OLR1: variants seen among roughly 807,000 people sequenced by gnomAD.
OLR1 encodes oxidized low density lipoprotein receptor 1.
A neutral mutation model predicts 31.7 loss-of-function variants in OLR1; 23 were observed. The ratio of observed to expected loss-of-function variants is 0.72; its 90% CI spans 0.52 to 1.03. The LOEUF (loss-of-function observed/expected upper bound fraction) is 1.03, where lower values mean the gene tolerates loss of function less well. OLR1 is among the 50% of genes least tolerant of loss of function. The pLI, the probability that OLR1 is intolerant of heterozygous loss-of-function variation, is 0.00. For synonymous variants in OLR1, 117 were observed against 115.8 expected, an observed-to-expected ratio of 1.01 and a Z score of -0.07; for missense variants, 286 against 315.7, an observed-to-expected ratio of 0.91 and a Z score of 0.71.
chr12:10,171,650 C>T (rs532683335), intron 1 of OLR1, among the ~76,000 whole-genome samples: 7 of 152,174 alleles, frequency 4.6e-5, no homozygotes, highest in Admixed American at 2.0e-4. Context: ...TTATTAGCTC[C>T]GTGAAACTGG....
intron 3 of OLR1, 87 bp from the exon 4 acceptor site, chr12:10,161,012 C>G: frequency 7.7e-7 from 1 of 1,296,052 alleles, no homozygotes; most frequent in Non-Finnish European, 1.1e-6. Context: ...CCTTAGTTCT[C>G]TCACGTGCAT....
intron 3 of OLR1, among the ~76,000 whole-genome samples, chr12:10,162,369 G>GA (rs942588869): frequency 1.3e-5 from 2 of 152,082 alleles, no homozygotes; most frequent in African/African-American, 4.8e-5. Context: ...AGGAGGGACT[G>GA]AAAAACAGAA....
upstream of OLR1, chr12:10,172,235 T>G (rs1471127360): frequency 3.4e-6 from 2 of 583,572 alleles, no homozygotes; most frequent in Non-Finnish European, 6.0e-6. Context: ...TGCTTCATAT[T>G]GGGAAGTTCG....
intron 2 of OLR1, among the ~76,000 whole-genome samples, chr12:10,168,509 T>C (rs1395440167): frequency 2.0e-5 from 3 of 152,212 alleles, no homozygotes; most frequent in African/African-American, 7.2e-5. Flanking sequence ...GTTTGTTTTG[T>C]TTGAAATGGA....
At chr12:10,169,822 G>A (rs560800262) in intron 1 of OLR1, among the ~76,000 whole-genome samples, 5 of 151,640 alleles carry the variant, frequency 3.3e-5, no homozygotes, top group African/African-American at 1.2e-4. Flanking sequence ...CTACACTCAC[G>A]CCAAGTGTAG....
At position 10,166,865 on chromosome 12, in the gene OLR1, C is replaced by T; in HGVS notation, c.271G>A (p.Ala91Thr). The part of the protein sequence containing the change: ...LEGQISARQQ[A>T]EEASQESENE... ...TCTGACTCCTGTGAAGCTTCTTCTG[C>T]TTGTTGCCGGGCTGAGATCTGTCCC... Residue 91 changes from alanine (A) to threonine (T), a missense_variant, in exon 3 of 6, where the codon GCA (alanine) becomes ACA (threonine). Transcript: ENST00000309539. 2.5e-6 allele frequency: 4 copies of T among 1,613,554 alleles called. 1 individual carries two copies. In the South Asian group the frequency reaches 4.4e-5, roughly 18 times the overall value.
At chr12:10,175,883 G>T (rs915923718), upstream of OLR1, among the ~76,000 whole-genome samples, 1 of 152,208 alleles carries the variant, frequency 6.6e-6, no homozygotes, top group Non-Finnish European at 1.5e-5. Context: ...CTTAGGCAAG[G>T]TCAAAAGGAG....
At chr12:10,163,225 C>G (rs1367182832) in intron 3 of OLR1, among the ~76,000 whole-genome samples, 1 of 151,898 alleles carries the variant, frequency 6.6e-6, no homozygotes, top group East Asian at 1.9e-4. Flanking sequence ...TAATGTAACT[C>G]TAGAGTCTGG....
At chr12:10,165,767 T>TA (rs1051527173) in intron 3 of OLR1, among the ~76,000 whole-genome samples, 19 of 146,262 alleles carry the variant, frequency 1.3e-4, no homozygotes, top group Admixed American at 4.1e-4. Flanking sequence ...TCTCAAAAAA[T>TA]AAAAAAAAAG....
intron 3 of OLR1, among the ~76,000 whole-genome samples, chr12:10,162,230 G>GGT (rs1948626720): frequency 1.3e-5 from 2 of 151,954 alleles, no homozygotes; most frequent in South Asian, 4.1e-4. Context: ...AAGTACTCTG[G>GGT]TCTACACTAC....
intron 3 of OLR1, 122 bp downstream of exon 3, chr12:10,166,590 A>G: frequency 1.1e-6 from 1 of 908,676 alleles, no homozygotes; most frequent in Non-Finnish European, 1.7e-6. Flanking sequence ...ATAGAACATT[A>G]TGAATGAATA....
intron 3 of OLR1, among the ~76,000 whole-genome samples, chr12:10,161,222 G>GA (rs36084786): frequency 1.3e-5 from 2 of 150,680 alleles, no homozygotes; most frequent in East Asian, 1.9e-4. Flanking sequence ...CATTTTTTGG[G>GA]AAAAAAAAGA....
intron 3 of OLR1, among the ~76,000 whole-genome samples, chr12:10,163,913 A>G (rs184505160): frequency 6.6e-6 from 1 of 152,110 alleles, no homozygotes; most frequent in African/African-American, 2.4e-5. Flanking sequence ...CCTGGGTGAC[A>G]GAGCGAGACT....
upstream of OLR1, among the ~76,000 whole-genome samples, chr12:10,176,139 T>C (rs1948764044): frequency 6.6e-6 from 1 of 152,248 alleles, no homozygotes; most frequent in African/African-American, 2.4e-5. Flanking sequence ...TCTGTACCTG[T>C]CCAAAGTGTA....
At chr12:10,168,909 A>T (rs1024636271) in intron 2 of OLR1, among the ~76,000 whole-genome samples, 165 bp downstream of exon 2, 1 of 152,254 alleles carries the variant, frequency 6.6e-6, no homozygotes, top group African/African-American at 2.4e-5. Flanking sequence ...GATGAACAAT[A>T]TACCCCTTTA....
At position 10,160,932 on chromosome 12, in the gene OLR1, A is replaced by G; in HGVS notation, c.425-7T>C. On this transcript the variant is annotated splice_region_variant and splice_polypyrimidine_tract_variant and intron_variant, in intron 3 of 5. Coordinates refer to ENST00000309539, the MANE Select transcript of OLR1 (RefSeq NM_002543.4). ...CAGTCTTGCGGACAAGGAGCTGGGA[A>G]GGATAGTATATCTCATCAGTCAGTT... 6.2e-7 allele frequency: 1 copy of G among 1,613,046 alleles called. No individual in the cohort carries two copies.
In OLR1 at chr12:10,169,097, G is replaced by T; in HGVS notation, c.155C>A (p.Thr52Asn). 6.2e-7 allele frequency: 1 copy of T among 1,612,732 alleles called. No individual in the cohort carries two copies. Among genetic ancestry groups the T allele is most frequent in the South Asian group, 1.1e-5 (1 of 90,906 alleles). Reference sequence around the variant, plus strand: ...ACATTGCATGCCCAGCACCATAATGGTCACTACTAATCCCAGGCAAAGGAC... The same window carrying T: ...ACATTGCATGCCCAGCACCATAATGTTCACTACTAATCCCAGGCAAAGGAC... ...LGVLCLGLVV[T>N]IMVLGMQLSQ... Residue 52 changes from threonine (T) to asparagine (N), a missense_variant, in exon 2 of 6, where the codon ACC (threonine) becomes AAC (asparagine). Coordinates refer to ENST00000309539, the MANE Select transcript of OLR1 (RefSeq NM_002543.4).
chr12:10,169,240 T>A, intron 1 of OLR1, 65 bp from the exon 2 acceptor site: 2 of 1,166,666 alleles, frequency 1.7e-6, no homozygotes, highest in Non-Finnish European at 2.5e-6. Flanking sequence ...AACCATTCCT[T>A]GGAGCCTGTC....
Position 10,160,436 on chromosome 12 carries a change from A to G in OLR1, c.591T>C (p.Tyr197=). ...GCCCCATCCAGAATGGAAAACTGGAATAGGAAATTGCTTGCTGGATGAAGT... is the reference window on the plus strand; with the variant it reads ...GCCCCATCCAGAATGGAAAACTGGAGTAGGAAATTGCTTGCTGGATGAAGT... ...DLDFIQQAIS[Y]SSFPFWMGLS... Residue 197 remains tyrosine (Y), a synonymous_variant, in exon 5 of 6, where the codon TAT becomes TAC. Transcript: ENST00000309539. The G allele has an allele frequency of 1.2e-6, 2 of 1,613,614 alleles. No homozygotes were observed. The highest frequency in any genetic ancestry group is 1.7e-6 in the Non-Finnish European group (2 of 1,179,762).
Sources: gnomAD v4.1 joint callset for allele counts (sites outside exome capture counted in the v4.1 genomes callset) on GRCh38, gnomAD v4.1.1 for gene constraint, MANE v1.5 for transcripts, NCBI Gene and HGNC (gene_info 2026-07-23, HGNC 2026-07-21) for gene names.